USP48: variants seen among roughly 807,000 people sequenced by gnomAD.
The protein encoded by USP48 is ubiquitin specific peptidase 48.
Under a neutral mutation model 150.7 loss-of-function variants are expected in USP48, and 43 were observed. The ratio of observed to expected loss-of-function variants is 0.29; its 90% CI spans 0.22 to 0.37. USP48 has a LOEUF of 0.37. USP48 is among the 10% of genes least tolerant of loss of function. The pLI, the probability that USP48 is intolerant of heterozygous loss-of-function variation, is 1.00. For missense variants in USP48, 813 were observed against 1,249.6 expected, an observed-to-expected ratio of 0.65 and a Z score of 5.27; for synonymous variants, 396 against 425.9, an observed-to-expected ratio of 0.93 and a Z score of 0.86.
chr1:21,686,692 C>A, intron 25 of USP48: 1 of 157,800 alleles, frequency 6.3e-6, no homozygotes, highest in Non-Finnish European at 1.4e-5. Flanking sequence ...TCGTTCCCAC[C>A]TTTCTAGTTT....
intron 22 of USP48, among the ~76,000 whole-genome samples, chr1:21,695,937 G>A (rs1356424570): frequency 6.6e-6 from 1 of 152,002 alleles, no homozygotes; most frequent in Non-Finnish European, 1.5e-5. Flanking sequence ...TGTCCTAATG[G>A]CAAAATATAC....
At chr1:21,710,991 T>C (rs1557470699) in intron 15 of USP48, among the ~76,000 whole-genome samples, 2 of 151,870 alleles carry the variant, frequency 1.3e-5, no homozygotes, top group African/African-American at 4.8e-5. Flanking sequence ...ATTTTTTAAA[T>C]AGAGGTGGGG....
At chr1:21,682,023 C>G (rs540793078) in intron 25 of USP48, among the ~76,000 whole-genome samples, 1 of 152,316 alleles carries the variant, frequency 6.6e-6, no homozygotes, top group East Asian at 1.9e-4. Context: ...TCACCATCTT[C>G]TAGGGCATCT....
intron 14 of USP48, among the ~76,000 whole-genome samples, chr1:21,716,588 C>G (rs369416477): frequency 3.9e-5 from 6 of 152,348 alleles, no homozygotes; most frequent in East Asian, 1.9e-4. Flanking sequence ...GGGTGGACCA[C>G]TATATAATAA....
intron 12 of USP48, among the ~76,000 whole-genome samples, chr1:21,722,866 T>G (rs1323095433): frequency 6.6e-6 from 1 of 151,996 alleles, no homozygotes; most frequent in African/African-American, 2.4e-5. Flanking sequence ...CCCAGAAATT[T>G]AGGAAGCAAA....
intron 9 of USP48, among the ~76,000 whole-genome samples, chr1:21,732,202 C>T (rs566258398): frequency 5.9e-5 from 9 of 152,212 alleles, no homozygotes; most frequent in African/African-American, 2.2e-4. Context: ...CTGCTTGAAC[C>T]CAGAAGGCGG....
intron 14 of USP48, 108 bp downstream of exon 14, chr1:21,720,928 T>G: frequency 5.5e-6 from 8 of 1,448,196 alleles, no homozygotes; most frequent in Non-Finnish European, 7.6e-6. Flanking sequence ...TCTGCCCGTC[T>G]GAGCCTCCCA....
chr1:21,711,006 A>C lies in USP48; in HGVS notation c.1964-4138T>G, dbSNP rs144915046. Among the ~76,000 whole-genome samples, 678 of 152,026 alleles carry C rather than the reference A, an allele frequency of 4.5e-3. 5 individuals carry two copies. Among genetic ancestry groups the C allele is most frequent in the African/African-American group, 0.015 (631 of 41,470 alleles). ...ATTTTTTAAATAGAGGTGGGGTCTC[A>C]CTATGTTGCCCAGGCTGCTCTCAAA... On this transcript the variant is annotated intron_variant, in intron 15 of 26. Transcript: ENST00000308271.
intron 8 of USP48, among the ~76,000 whole-genome samples, chr1:21,746,070 T>C (rs1233396729): frequency 6.6e-6 from 1 of 152,240 alleles, no homozygotes; most frequent in Non-Finnish European, 1.5e-5. Flanking sequence ...TTAAAGGTTT[T>C]TACAGCTTGC....
At chr1:21,757,391 T>C (rs980552147) in intron 2 of USP48, 1 of 261,630 alleles carries the variant, frequency 3.8e-6, no homozygotes, top group Admixed American at 5.3e-5. Flanking sequence ...GATTTCAAAA[T>C]AAAACATGCA....
intron 9 of USP48, among the ~76,000 whole-genome samples, chr1:21,731,309 G>A (rs2097756168): frequency 6.6e-6 from 1 of 151,816 alleles, no homozygotes; most frequent in Non-Finnish European, 1.5e-5. Flanking sequence ...CGTCTCCCAG[G>A]CTGGAGTGGA....
intron 15 of USP48, among the ~76,000 whole-genome samples, chr1:21,710,800 T>TAA (rs34024479): frequency 4.1e-4 from 59 of 145,452 alleles, no homozygotes; most frequent in Middle Eastern, 3.5e-3. Context: ...AATAAAGAAT[T>TAA]AAAAAAAAAA....
chr1:21,706,892 GAAAAA>G, intron 15 of USP48, 24 bp from the exon 16 acceptor site: 1 of 1,293,748 alleles, frequency 7.7e-7, no homozygotes, highest in African/African-American at 1.6e-5. Context: ...AATATATTTG[GAAAAA>G]AAAAAAACAG....
chr1:21,696,538 A>G (rs1478482807), intron 22 of USP48, among the ~76,000 whole-genome samples: 1 of 152,224 alleles, frequency 6.6e-6, no homozygotes, highest in Non-Finnish European at 1.5e-5. Flanking sequence ...TCCTAATTAC[A>G]TACTGATTTG....
At chr1:21,761,397 G>A (rs1202644737) in intron 1 of USP48, among the ~76,000 whole-genome samples, 3 of 151,798 alleles carry the variant, frequency 2.0e-5, no homozygotes. Flanking sequence ...AGCCTCTGGA[G>A]TAGCTGGGAG....
chr1:21,769,050 C>T (rs942385617), intron 1 of USP48, among the ~76,000 whole-genome samples: 1 of 152,130 alleles, frequency 6.6e-6, no homozygotes, highest in Non-Finnish European at 1.5e-5. Context: ...GTATGTCTCC[C>T]TTTTGCTTTG....
At chr1:21,688,842 CAAAAAAAAAA>C (rs1185263002) in intron 24 of USP48, among the ~76,000 whole-genome samples, 1 of 88,998 alleles carries the variant, frequency 1.1e-5, no homozygotes, top group Non-Finnish European at 2.2e-5. Context: ...GACTCCATCT[CAAAAAAAAAA>C]AAAAAAAAAA....
intron 9 of USP48, among the ~76,000 whole-genome samples, chr1:21,735,594 T>C (rs566347361): frequency 1.3e-5 from 2 of 152,062 alleles, no homozygotes; most frequent in East Asian, 1.9e-4. Context: ...CTATTAAAAA[T>C]AGAAAAAATT....
intron 12 of USP48, among the ~76,000 whole-genome samples, chr1:21,723,513 C>CA (rs35287796): frequency 0.067 from 6,679 of 99,274 alleles, 182 homozygotes; most frequent in Middle Eastern, 0.089. Flanking sequence ...GACTCCATCT[C>CA]AAAAAAAAAA....
Sources: gnomAD v4.1 joint callset for allele counts (sites outside exome capture counted in the v4.1 genomes callset) on GRCh38, gnomAD v4.1.1 for gene constraint, MANE v1.5 for transcripts, NCBI Gene and HGNC (gene_info 2026-07-23, HGNC 2026-07-21) for gene names.